Variants in VPS53 observed in about 807,000 individuals in gnomAD.
VPS53 encodes the protein vacuolar protein sorting-associated protein 53 homolog.
A neutral mutation model predicts 107.0 loss-of-function variants in VPS53; 70 were observed. The ratio of observed to expected loss-of-function variants is 0.65; its 90% CI spans 0.54 to 0.80. The LOEUF is 0.80. VPS53 is among the 30% of genes least tolerant of loss of function. The pLI, the probability that VPS53 is intolerant of heterozygous loss-of-function variation, is 0.00. For missense variants in VPS53, 917 were observed against 1,049.4 expected (o/e 0.87, Z 1.74); for synonymous variants, 409 against 393.3 (o/e 1.04, Z -0.47).
chr17:607,161 C>T (rs984397478), intron 11 of VPS53, among the ~76,000 whole-genome samples: 6 of 152,178 alleles, frequency 3.9e-5, no homozygotes, highest in African/African-American at 1.4e-4. Flanking sequence ...TGTTGTGCTT[C>T]TCTTAATAAA....
At position 588,175 on chromosome 17, in the gene VPS53, G is replaced by A. The variant is rs190143834; in HGVS notation, c.1219-1811C>T. On this transcript the variant is annotated intron_variant, in intron 12 of 21. Transcript: ENST00000437048. ...TACTAAAAAAATACAAAAATTAGCAGGTTGTGGTGGTGTGCGCCTGTAGTC... is the reference window on the plus strand; with the variant it reads ...TACTAAAAAAATACAAAAATTAGCAAGTTGTGGTGGTGTGCGCCTGTAGTC... 1.2e-4 allele frequency among the ~76,000 whole-genome samples: 19 copies of A among 152,270 alleles called. No individual in the cohort carries two copies. In the East Asian group the frequency reaches 2.7e-3, roughly 22 times the overall value.
chr17:613,701 T>C (rs1432764140), intron 11 of VPS53, among the ~76,000 whole-genome samples: 1 of 151,582 alleles, frequency 6.6e-6, no homozygotes, highest in East Asian at 1.9e-4. Flanking sequence ...CCTGTACAAA[T>C]ATTCACATAG....
chr17:586,861 A>G (rs1967346019), intron 12 of VPS53, among the ~76,000 whole-genome samples: 2 of 152,154 alleles, frequency 1.3e-5, no homozygotes, highest in East Asian at 1.9e-4. Flanking sequence ...GCCCCAACAC[A>G]TATGTAGACG....
intron 17 of VPS53, among the ~76,000 whole-genome samples, chr17:548,076 T>C (rs1911383998): frequency 1.3e-5 from 2 of 152,136 alleles, no homozygotes; most frequent in Admixed American, 1.3e-4. Flanking sequence ...AGAAAAGGCA[T>C]GGAAGCCGCA....
chr17:571,745 G>T (rs1261905553), intron 13 of VPS53, among the ~76,000 whole-genome samples: 3 of 152,268 alleles, frequency 2.0e-5, no homozygotes, highest in Non-Finnish European at 4.4e-5. Flanking sequence ...GGGTTTCGCT[G>T]TGTTGGCCGG....
At chr17:619,795 C>T (rs1174790183) in intron 11 of VPS53, among the ~76,000 whole-genome samples, 1 of 134,360 alleles carries the variant, frequency 7.4e-6, no homozygotes, top group Admixed American at 7.2e-5. Context: ...TAATATTTCC[C>T]GGGTAGCTGG....
At chr17:667,033 G>A (rs563214098) in intron 4 of VPS53, among the ~76,000 whole-genome samples, 2 of 152,340 alleles carry the variant, frequency 1.3e-5, no homozygotes, top group African/African-American at 4.8e-5. Context: ...ACATGAAGTA[G>A]AGGCTGTGAT....
At chr17:662,675 C>A (rs540486030) in intron 4 of VPS53, among the ~76,000 whole-genome samples, 1 of 136,934 alleles carries the variant, frequency 7.3e-6, no homozygotes, top group Non-Finnish European at 1.5e-5. Flanking sequence ...GGTGACAGAG[C>A]GAGACTCCAA....
At chr17:654,736 CAAAAAA>C (rs35308893) in intron 6 of VPS53, among the ~76,000 whole-genome samples, 27 of 67,530 alleles carry the variant, frequency 4.0e-4, no homozygotes, top group Admixed American at 1.0e-3. Flanking sequence ...GACTCCAACT[CAAAAAA>C]AAAAAAAAAA....
At chr17:559,946 C>T (rs1170065659) in intron 15 of VPS53, among the ~76,000 whole-genome samples, 1 of 152,230 alleles carries the variant, frequency 6.6e-6, no homozygotes, top group Non-Finnish European at 1.5e-5. Flanking sequence ...GTCAGCATCC[C>T]AAACAATGGC....
At chr17:547,490 G>C (rs1206160314) in intron 17 of VPS53, among the ~76,000 whole-genome samples, 1 of 152,172 alleles carries the variant, frequency 6.6e-6, no homozygotes, top group Non-Finnish European at 1.5e-5. Context: ...TATAGAGACA[G>C]AAAGTAGGCT....
At chr17:678,475 TA>T (rs1297993368) in intron 4 of VPS53, among the ~76,000 whole-genome samples, 5 of 151,858 alleles carry the variant, frequency 3.3e-5, no homozygotes, top group Admixed American at 6.6e-5. Context: ...AATTCTTTTT[TA>T]TTTTTTTTGA....
intron 17 of VPS53, among the ~76,000 whole-genome samples, chr17:550,415 C>A (rs1317289483): frequency 6.6e-6 from 1 of 152,174 alleles, no homozygotes; most frequent in Non-Finnish European, 1.5e-5. Flanking sequence ...ATTTTTTTAG[C>A]TTTGTGGGCT....
chr17:603,169 A>C (rs1968403152), intron 11 of VPS53, among the ~76,000 whole-genome samples: 1 of 152,250 alleles, frequency 6.6e-6, no homozygotes, highest in Non-Finnish European at 1.5e-5. Flanking sequence ...TCACACCTGG[A>C]ATCCCAGCAC....
At chr17:539,024 G>A (rs1019749135) in intron 17 of VPS53, 3 of 152,308 alleles carry the variant, frequency 2.0e-5, no homozygotes, top group Non-Finnish European at 4.4e-5. Context: ...CATTTCCTGG[G>A]CTCTGCAGCA....
intron 13 of VPS53, among the ~76,000 whole-genome samples, chr17:581,638 C>T (rs1369596256): frequency 2.0e-5 from 3 of 151,014 alleles, no homozygotes; most frequent in African/African-American, 7.3e-5. Flanking sequence ...TCCCTAAGGA[C>T]GTAATGCATT....
At chr17:542,266 G>A (rs1189164882) in intron 17 of VPS53, among the ~76,000 whole-genome samples, 2 of 152,194 alleles carry the variant, frequency 1.3e-5, no homozygotes, top group South Asian at 4.1e-4. Flanking sequence ...CAGGATTGAG[G>A]ACAGCGAGTG....
intron 17 of VPS53, 31 bp from the exon 18 acceptor site, chr17:537,207 C>T (rs1910153159): frequency 1.2e-6 from 2 of 1,610,914 alleles, no homozygotes; most frequent in Non-Finnish European, 8.5e-7. Context: ...GGCGTTGAAT[C>T]CCTCGCAGGA....
chr17:557,886 G>T (rs534559893), intron 15 of VPS53, among the ~76,000 whole-genome samples: 2 of 146,364 alleles, frequency 1.4e-5, no homozygotes, highest in African/African-American at 2.5e-5. Context: ...TAGAGACAGG[G>T]TCTCACTCTG....
Sources: allele counts gnomAD v4.1 joint callset (sites outside exome capture counted in the v4.1 genomes callset), GRCh38; gene constraint gnomAD v4.1.1; transcripts MANE v1.5; gene names NCBI Gene and HGNC (gene_info 2026-07-23, HGNC 2026-07-21).